USP10: variants seen among roughly 807,000 people sequenced by gnomAD.
USP10 encodes ubiquitin specific peptidase 10.
Under a neutral mutation model 84.5 loss-of-function variants are expected in USP10, and 22 were observed. The ratio of observed to expected loss-of-function variants is 0.26; its 90% CI spans 0.19 to 0.37. USP10 has a LOEUF of 0.37. USP10 is among the 10% of genes least tolerant of loss of function. The pLI, the probability that USP10 is intolerant of heterozygous loss-of-function variation, is 1.00. For synonymous variants in USP10, 454 were observed against 387.6 expected, an observed-to-expected ratio of 1.17 and a Z score of -2.01; for missense variants, 1,019 against 998.9, an observed-to-expected ratio of 1.02 and a Z score of -0.27.
chr16:84,769,672 A>G (rs11859963), intron 11 of USP10, among the ~76,000 whole-genome samples: 34,957 of 151,986 alleles, frequency 0.23, 4,781 homozygotes, highest in East Asian at 0.39. Context: ...CACTCTGCTT[A>G]TGCTGTTTCT....
At chr16:84,748,922 CAG>C (rs1202362091) in intron 4 of USP10, among the ~76,000 whole-genome samples, 1 of 152,166 alleles carries the variant, frequency 6.6e-6, no homozygotes, top group East Asian at 1.9e-4. Context: ...CCCTACCAAA[CAG>C]ATTATTTTTT....
chr16:84,702,803 AC>A lies in USP10; in HGVS notation c.21+2694del, dbSNP rs199630950. 4.5e-3 allele frequency among the ~76,000 whole-genome samples: 687 copies of A among 151,906 alleles called. 5 individuals carry two copies. Among genetic ancestry groups the A allele is most frequent in the African/African-American group, 0.016 (662 of 41,434 alleles). On this transcript the variant is annotated intron_variant, in intron 1 of 13. Coordinates refer to ENST00000219473, the MANE Select transcript of USP10 (RefSeq NM_005153.3). ...AGGTCAGGGGTTCGAGATCAGCCTG[AC>A]CAATATAGTGAGACCCTGTCTCTAC...
chr16:84,724,542 T>C (rs1269418975), intron 1 of USP10, among the ~76,000 whole-genome samples: 1 of 152,200 alleles, frequency 6.6e-6, no homozygotes, highest in African/African-American at 2.4e-5. Context: ...TCTACTTTGT[T>C]CGCTTCTCAG....
chr16:84,727,327 AT>A (rs1334636651), intron 1 of USP10, among the ~76,000 whole-genome samples: 3 of 152,062 alleles, frequency 2.0e-5, no homozygotes, highest in Non-Finnish European at 4.4e-5. Flanking sequence ...AACACCTACA[AT>A]TTTCCCCCCT....
At chr16:84,770,891 C>A (rs943032480) in intron 11 of USP10, among the ~76,000 whole-genome samples, 1 of 151,692 alleles carries the variant, frequency 6.6e-6, no homozygotes, top group Non-Finnish European at 1.5e-5. Context: ...CATGTTGAAA[C>A]CCCATCTCTA....
chr16:84,735,198 TG>T (rs1258802152), intron 2 of USP10, among the ~76,000 whole-genome samples: 24 of 28,228 alleles, frequency 8.5e-4, no homozygotes, highest in East Asian at 4.1e-3. Flanking sequence ...GCCCGGGTGG[TG>T]TGTGTGTGTG....
chr16:84,702,416 T>C (rs76419534), intron 1 of USP10, among the ~76,000 whole-genome samples: 1,796 of 152,288 alleles, frequency 0.012, 31 homozygotes, highest in African/African-American at 0.04. Context: ...AATGGAATCA[T>C]GTATGACAGG....
Position 84,745,292 on chromosome 16 carries a change from C to G in USP10, c.811C>G (p.Gln271Glu). 1.2e-6 allele frequency: 2 copies of G among 1,613,294 alleles called. No homozygotes were observed. The highest frequency in any genetic ancestry group is 1.7e-6 in the Non-Finnish European group (2 of 1,179,726). Reference sequence around the variant, plus strand: ...CACCCTGTCAAGGACAGCTGGGGCTCAGCCCTGCGTTGGTACCGATACTAC... The same window carrying G: ...CACCCTGTCAAGGACAGCTGGGGCTGAGCCCTGCGTTGGTACCGATACTAC... ...RDTLSRTAGA[Q>E]PCVGTDTTEN... is the part of the protein sequence containing the mutation. Residue 271 changes from glutamine (Q) to glutamate (E), a missense_variant, in exon 4 of 14, where the codon CAG becomes GAG. By Grantham distance (29) the Gln-to-Glu change is conservative (BLOSUM62 2). This residue lies in a region of USP10 where 787 missense variants were observed against 708.8 expected (regional missense o/e 1.11). Transcript: ENST00000219473.
intron 4 of USP10, among the ~76,000 whole-genome samples, chr16:84,746,224 C>G (rs2150824930): frequency 6.6e-6 from 1 of 152,068 alleles, no homozygotes; most frequent in East Asian, 1.9e-4. Context: ...TGCTAAGGCT[C>G]CAAAGTAGAA....
chr16:84,733,519 G>A lies in USP10; in HGVS notation c.90+16G>A. 1 of 1,581,402 alleles carries A rather than the reference G, an allele frequency of 6.3e-7. No homozygotes were observed. Among genetic ancestry groups the A allele is most frequent in the Non-Finnish European group, 8.6e-7 (1 of 1,156,520 alleles). On this transcript the variant is annotated intron_variant, in intron 2 of 13. Coordinates refer to ENST00000219473, the MANE Select transcript of USP10 (RefSeq NM_005153.3). ...TTCAGTTGAGGTAAGACAAAACTTTGTTTTAGTGAGTCCGTGGGTAGATAC... is the reference window on the plus strand; with the variant it reads ...TTCAGTTGAGGTAAGACAAAACTTTATTTTAGTGAGTCCGTGGGTAGATAC...
chr16:84,759,611 G>A (rs1429311470), intron 6 of USP10, 139 bp downstream of exon 6: 16 of 824,632 alleles, frequency 1.9e-5, no homozygotes, highest in Admixed American at 1.3e-4. Context: ...TAGACTGTTG[G>A]CGATTTTATA....
chr16:84,733,530 T>A, intron 2 of USP10, 27 bp downstream of exon 2: 1 of 1,498,226 alleles, frequency 6.7e-7, no homozygotes, highest in Non-Finnish European at 9.2e-7. Context: ...TTTTAGTGAG[T>A]CCGTGGGTAG....
chr16:84,700,169 C>T (rs1904648299), intron 1 of USP10, 58 bp downstream of exon 1: 2 of 1,190,218 alleles, frequency 1.7e-6, no homozygotes, highest in African/African-American at 1.6e-5. Flanking sequence ...CGGGCGGACG[C>T]CGCGGCGGGC....
At chr16:84,731,592 T>A (rs1909240080) in intron 1 of USP10, among the ~76,000 whole-genome samples, 1 of 152,182 alleles carries the variant, frequency 6.6e-6, no homozygotes, top group South Asian at 2.1e-4. Context: ...TATAGAATTC[T>A]ATGAAAAAAT....
intron 1 of USP10, among the ~76,000 whole-genome samples, chr16:84,702,359 C>G (rs1405419825): frequency 6.6e-6 from 1 of 151,962 alleles, no homozygotes; most frequent in African/African-American, 2.4e-5. Flanking sequence ...TGCGCCTGGC[C>G]GATTTCTCAT....
intron 3 of USP10, among the ~76,000 whole-genome samples, chr16:84,743,370 C>T (rs549800595): frequency 2.0e-4 from 30 of 152,258 alleles, no homozygotes; most frequent in Admixed American, 2.0e-4. Flanking sequence ...CAGGAGGCCT[C>T]GGGAGGCTGT....
chr16:84,768,109 C>T, intron 10 of USP10, 84 bp from the exon 11 acceptor site: 2 of 1,363,452 alleles, frequency 1.5e-6, no homozygotes, highest in Non-Finnish European at 2.0e-6. Flanking sequence ...ATCTTATTTT[C>T]AGTGTTTATT....
chr16:84,732,431 ACTTCTT>A (rs143371658), intron 1 of USP10: 2 of 393,456 alleles, frequency 5.1e-6, no homozygotes, highest in African/African-American at 2.2e-5. Context: ...CTTCTCAATG[ACTTCTT>A]CTTCTTCTTT....
intron 13 of USP10, among the ~76,000 whole-genome samples, chr16:84,777,894 G>A (rs1351389738): frequency 2.6e-5 from 4 of 152,198 alleles, no homozygotes; most frequent in Non-Finnish European, 5.9e-5. Context: ...CATTCCCCGC[G>A]GAATGCTGCC....
Sources: gnomAD v4.1 joint callset for allele counts (sites outside exome capture counted in the v4.1 genomes callset) on GRCh38, gnomAD v4.1.1 for gene constraint, gnomAD v4.1.1 regional missense constraint, MANE v1.5 for transcripts, NCBI Gene and HGNC (gene_info 2026-07-23, HGNC 2026-07-21) for gene names.